Variants in MYO16 observed in about 807,000 individuals in gnomAD.
MYO16 encodes the protein myosin XVI.
MYO16 carries 94 observed loss-of-function variants against 205.3 expected under a neutral mutation model. That is an observed-to-expected ratio of 0.46 (90% CI 0.39 to 0.54). The LOEUF (loss-of-function observed/expected upper bound fraction) is 0.54. MYO16 is among the 20% of genes least tolerant of loss of function. The pLI is 0.00. For missense variants in MYO16, 2,315 were observed against 2,387.5 expected (o/e 0.97, Z 0.63); for synonymous variants, 988 against 954.0 (o/e 1.04, Z -0.66).
chr13:109,125,502 G>C lies in MYO16; in HGVS notation c.3782+144G>C, dbSNP rs1236602162. The C allele has an allele frequency of 9.0e-7, 1 of 1,115,964 alleles. No homozygotes were observed. Among genetic ancestry groups the C allele is most frequent in the African/African-American group, 1.6e-5 (1 of 62,936 alleles). The allele number at this position is 1,115,964 out of a possible 1,614,324, so 69.1% of individuals were successfully genotyped here. A position where few individuals can be genotyped will look rare whatever the true frequency, so the allele number is the denominator to read the frequency against. On this transcript the variant is annotated intron_variant, in intron 30 of 34. Transcript: ENST00000457511. The surrounding 1 kb of genome is among the most constrained non-coding windows in gnomAD (Gnocchi z 4.0). ...GCATGCGTGGTTTGTTATTCGAAATGGCAGCAGTCTAAAAAGATGCTTTCC... is the reference window on the plus strand; with the variant it reads ...GCATGCGTGGTTTGTTATTCGAAATCGCAGCAGTCTAAAAAGATGCTTTCC...
intron 11 of MYO16, among the ~76,000 whole-genome samples, chr13:108,858,746 T>C (rs1180922449): frequency 6.6e-6 from 1 of 152,208 alleles, no homozygotes; most frequent in Non-Finnish European, 1.5e-5. Context: ...CATTGCATTA[T>C]GACACTTCTC....
chr13:108,850,731 A>G (rs1271843200), intron 10 of MYO16, among the ~76,000 whole-genome samples: 2 of 152,328 alleles, frequency 1.3e-5, no homozygotes, highest in East Asian at 3.9e-4. Flanking sequence ...ATTGATTATC[A>G]AAGCTTCCTT....
the MYO16 span, among the ~76,000 whole-genome samples, chr13:108,557,179 T>G: frequency 6.6e-6 from 1 of 152,214 alleles, no homozygotes; most frequent in African/African-American, 2.4e-5. Context: ...AATATTGGAA[T>G]TTTGATAGGG....
the MYO16 span, among the ~76,000 whole-genome samples, chr13:108,583,392 G>C: frequency 6.6e-6 from 1 of 152,180 alleles, no homozygotes; most frequent in South Asian, 2.1e-4. Context: ...TGCTAGAAGA[G>C]ACTTTACTTA....
intron 6 of MYO16, among the ~76,000 whole-genome samples, chr13:108,801,203 A>G (rs936832847): frequency 1.3e-5 from 2 of 152,254 alleles, no homozygotes; most frequent in African/African-American, 4.8e-5. Context: ...TTCACAAAAG[A>G]AAAATATCCA....
At chr13:108,987,525 G>C (rs1884684046) in intron 20 of MYO16, among the ~76,000 whole-genome samples, 1 of 152,218 alleles carries the variant, frequency 6.6e-6, no homozygotes, top group Non-Finnish European at 1.5e-5. Context: ...TCAGCATATT[G>C]ACAGGGCAGT....
At chr13:108,766,857 T>C (rs1471134510) in intron 4 of MYO16, among the ~76,000 whole-genome samples, 1 of 152,200 alleles carries the variant, frequency 6.6e-6, no homozygotes, top group Non-Finnish European at 1.5e-5. Context: ...AGGGCAGAGC[T>C]GTGAAAAATG....
chr13:109,055,297 T>A lies in MYO16; in HGVS notation c.3130-93T>A. ...CACAGAGTAAATGCATAATGAGATTTAAAGACGTAAAGACTTTTTATTTAA... is the reference window on the plus strand; with the variant it reads ...CACAGAGTAAATGCATAATGAGATTAAAAGACGTAAAGACTTTTTATTTAA... On this transcript the variant is annotated intron_variant, in intron 26 of 34. Transcript: ENST00000457511. The surrounding 1 kb of genome is among the most constrained non-coding windows in gnomAD (Gnocchi z 5.0). 9.1e-7 allele frequency: 1 copy of A among 1,102,854 alleles called. No individual in the cohort carries two copies. 68.3% of individuals were successfully genotyped at this position (1,102,854 alleles called of 1,614,324 possible). A position where few individuals can be genotyped will look rare whatever the true frequency, so the allele number is the denominator to read the frequency against.
intron 34 of MYO16, among the ~76,000 whole-genome samples, chr13:109,184,422 AC>A (rs1324855167): frequency 6.6e-6 from 1 of 152,172 alleles, no homozygotes; most frequent in Non-Finnish European, 1.5e-5. Context: ...AAAAACAAAA[AC>A]ATATCCTATA....
intron 1 of MYO16, among the ~76,000 whole-genome samples, chr13:108,605,016 TC>T (rs1878899806): frequency 6.6e-6 from 1 of 152,306 alleles, no homozygotes; most frequent in African/African-American, 2.4e-5. Context: ...TTCTACTTTT[TC>T]AGGAATTATC....
intron 21 of MYO16, among the ~76,000 whole-genome samples, chr13:109,007,491 A>T (rs10851225): frequency 6.6e-6 from 1 of 151,112 alleles, no homozygotes; most frequent in African/African-American, 2.4e-5. Flanking sequence ...GAGTGGTTTC[A>T]AGAGGGAATG....
In MYO16 at chr13:108,677,338, T is replaced by TATATATATATATATATGC. The variant is rs1555337962; in HGVS notation, c.292+11219_292+11236dup. Among the ~76,000 whole-genome samples the TATATATATATATATATGC allele has an allele frequency of 3.7e-3, 319 of 86,780 alleles. 2 individuals are homozygous for TATATATATATATATATGC. The highest frequency in any genetic ancestry group is 4.8e-3 in the Non-Finnish European group (197 of 41,182). 56.9% of individuals were successfully genotyped at this position (86,780 alleles called of 152,430 possible). On this transcript the variant is annotated intron_variant, in intron 2 of 34. Transcript: ENST00000457511. ...ATGTGTGTGTGTGTGTGTGTGTGTA[T>TATATATATATATATATGC]ATATATATATATATATGCATATATA...
intron 27 of MYO16, among the ~76,000 whole-genome samples, chr13:109,098,968 A>T (rs1248440908): frequency 1.3e-5 from 2 of 152,162 alleles, no homozygotes; most frequent in African/African-American, 2.4e-5. Context: ...ATTTTCTTCA[A>T]ATGTCAAACG....
chr13:109,091,046 A>G (rs575844333), intron 27 of MYO16, among the ~76,000 whole-genome samples: 2 of 152,272 alleles, frequency 1.3e-5, no homozygotes, highest in South Asian at 2.1e-4. Flanking sequence ...TTAGCCCCAA[A>G]TAGCTTGAAA....
chr13:109,046,894 A>T, intron 23 of MYO16, 22 bp from the exon 24 acceptor site: 6 of 1,567,880 alleles, frequency 3.8e-6, no homozygotes, highest in Non-Finnish European at 4.4e-6. Context: ...ATTAGTAATT[A>T]TGCTGCTTTC....
At chr13:109,152,747 G>C (rs1189110071) in intron 32 of MYO16, among the ~76,000 whole-genome samples, 1 of 152,108 alleles carries the variant, frequency 6.6e-6, no homozygotes, top group African/African-American at 2.4e-5. Flanking sequence ...GCATGCCTCC[G>C]GATATGTAGT....
chr13:109,090,378 A>G (rs945316517), intron 27 of MYO16, among the ~76,000 whole-genome samples: 3 of 152,208 alleles, frequency 2.0e-5, no homozygotes, highest in Admixed American at 1.3e-4. Flanking sequence ...GGGCGGGGTC[A>G]TGGGAACTGA....
At chr13:108,726,437 T>C (rs1283290028) in intron 3 of MYO16, among the ~76,000 whole-genome samples, 1 of 151,992 alleles carries the variant, frequency 6.6e-6, no homozygotes, top group African/African-American at 2.4e-5. Flanking sequence ...CATGCACCTC[T>C]AGTCCCAGCT....
chr13:108,668,055 T>C (rs1034128224), intron 2 of MYO16, among the ~76,000 whole-genome samples: 1 of 152,202 alleles, frequency 6.6e-6, no homozygotes, highest in South Asian at 2.1e-4. Context: ...CTTCTTTTAA[T>C]GTATTGGAAA....
Sources: gnomAD v4.1 joint callset for allele counts (sites outside exome capture counted in the v4.1 genomes callset) on GRCh38, gnomAD v4.1.1 for gene constraint, Gnocchi (gnomAD v3.1) non-coding constraint, MANE v1.5 for transcripts, NCBI Gene and HGNC (gene_info 2026-07-23, HGNC 2026-07-21) for gene names.